The following ANKRD36C variants were observed in gnomAD, a reference collection of about 807,000 sequenced individuals.
ANKRD36C encodes ankyrin repeat domain-containing protein 36C.
Under a neutral mutation model 276.4 loss-of-function variants are expected in ANKRD36C, and 61 were observed. That is an observed-to-expected ratio of 0.22 (90% confidence interval 0.18 to 0.27). The LOEUF is 0.27. ANKRD36C is among the 10% of genes least tolerant of loss of function. ANKRD36C has a pLI of 1.00. For missense variants in ANKRD36C, 1,447 were observed against 2,032.3 expected (o/e 0.71, Z 5.54); for synonymous variants, 483 against 680.1 (o/e 0.71, Z 4.51).
intron 42 of ANKRD36C, 78 bp downstream of exon 46, chr2:95,910,295 A>G (rs919125612): frequency 7.0e-7 from 1 of 1,433,700 alleles, no homozygotes; most frequent in African/African-American, 1.4e-5. Flanking sequence ...TCGACGAGCC[A>G]CCCGCTGCTT....
intron 34 of ANKRD36C, 127 bp downstream of exon 34, chr2:95,921,480 G>C: frequency 3.8e-6 from 5 of 1,318,582 alleles, no homozygotes; most frequent in Non-Finnish European, 5.2e-6. Context: ...AAGACTCTCA[G>C]GCCTACTGAA....
rs914375882 is a variant in ANKRD36C at position 95,925,246 on chromosome 2, T to G, written c.2041+106A>C. ...AGAAATGCACAATCTCAGGCCTGCT[T>G]AATCAGAAAGTGCATTTTCAATGAC... On this transcript the variant is annotated intron_variant, in intron 30 of 66. Transcript: ENST00000456556. 5.2e-5 allele frequency: 78 copies of G among 1,513,814 alleles called. 1 individual carries two copies. Among genetic ancestry groups the G allele is most frequent in the Admixed American group, 3.4e-4 (16 of 47,070 alleles). The allele number at this position is 1,513,814 out of a possible 1,614,324, so 93.8% of individuals were successfully genotyped here. A position where few individuals can be genotyped will look rare whatever the true frequency, so the allele number is the denominator to read the frequency against.
chr2:95,912,138 G>C, intron 42 of ANKRD36C, 106 bp downstream of exon 44: 1 of 1,445,614 alleles, frequency 6.9e-7, no homozygotes, highest in South Asian at 1.3e-5. Flanking sequence ...TCTCAGGCCT[G>C]CTGAATCAGA....
At chr2:95,938,035 T>G (rs1677766538) in intron 22 of ANKRD36C, among the ~76,000 whole-genome samples, 1 of 152,150 alleles carries the variant, frequency 6.6e-6, no homozygotes, top group Non-Finnish European at 1.5e-5. Context: ...CTGAAATATA[T>G]TCCACTGATT....
At chr2:95,913,616 T>C (rs533939837) in intron 40 of ANKRD36C, among the ~76,000 whole-genome samples, 2 of 151,560 alleles carry the variant, frequency 1.3e-5, no homozygotes, top group East Asian at 2.0e-4. Context: ...CAAAATTATA[T>C]AAATGACTTC....
chr2:95,920,501 A>C (rs1573768081), intron 34 of ANKRD36C, among the ~76,000 whole-genome samples: 2 of 132,268 alleles, frequency 1.5e-5, no homozygotes, highest in Non-Finnish European at 3.4e-5. Flanking sequence ...TATCTCTCAC[A>C]CCCATGTGGT....
Position 95,918,054 on chromosome 2 carries a change from A to T in ANKRD36C, c.2246-12T>A, listed in dbSNP as rs1677155813. On this transcript the variant is annotated splice_polypyrimidine_tract_variant and intron_variant, in intron 34 of 66. Transcript: ENST00000456556. ...TTTCTGAGAAGACACTGAAAAGCAA[A>T]AGGGATACATAATCACTCATGTGTA... The T allele has an allele frequency of 1.3e-6, 2 of 1,599,390 alleles. No individual in the cohort carries two copies. The highest frequency in any genetic ancestry group is 2.7e-5 in the African/African-American group (2 of 74,534).
chr2:95,856,308 G>C (rs1675410740), intron 62 of ANKRD36C, 128 bp from the exon 83 acceptor site: 2 of 1,513,618 alleles, frequency 1.3e-6, no homozygotes, highest in East Asian at 4.7e-5. Flanking sequence ...ATCTAACTGG[G>C]AAAAAAGAAG....
chr2:95,921,521 A>G, intron 34 of ANKRD36C, 86 bp downstream of exon 34: 2 of 1,520,306 alleles, frequency 1.3e-6, no homozygotes, highest in Non-Finnish European at 8.9e-7. Flanking sequence ...GAGCCCCCCC[A>G]CCTGCCCTCC....
intron 13 of ANKRD36C, among the ~76,000 whole-genome samples, chr2:95,955,947 G>A (rs1177563252): frequency 6.6e-6 from 1 of 151,862 alleles, no homozygotes; most frequent in Non-Finnish European, 1.5e-5. Context: ...ACAAAAGAAG[G>A]TCTTAAACCC....
intron 42 of ANKRD36C, among the ~76,000 whole-genome samples, chr2:95,902,526 G>C (rs1446999897): frequency 2.0e-5 from 3 of 150,324 alleles, no homozygotes; most frequent in Non-Finnish European, 4.5e-5. Flanking sequence ...TCTTTTCTTG[G>C]CAGTACGATC....
chr2:95,876,779 G>A (rs1675966927), intron 58 of ANKRD36C, among the ~76,000 whole-genome samples: 1 of 142,322 alleles, frequency 7.0e-6, no homozygotes, highest in South Asian at 2.2e-4. Context: ...GTGAGCCCGG[G>A]AAGTGGAGCT....
At chr2:95,948,543 G>A in exon 17 of ANKRD36C, 2 of 1,535,524 alleles carry the variant, frequency 1.3e-6, no homozygotes. Context: ...AGATTCCAAA[G>A]CAAACTTATC....
chr2:95,921,650 C>T (rs544343875), exon 34 of ANKRD36C: 85 of 1,608,402 alleles, frequency 5.3e-5, no homozygotes, highest in East Asian at 1.1e-4. Flanking sequence ...TGGCTATATT[C>T]GAAACAGAAT....
chr2:95,968,862 A>T (rs531520315), intron 6 of ANKRD36C, among the ~76,000 whole-genome samples: 2 of 152,338 alleles, frequency 1.3e-5, no homozygotes, highest in African/African-American at 4.8e-5. Context: ...CAGAGAACTC[A>T]TGGAAACATA....
At chr2:95,867,117 CAGTT>C (rs1312200765) in intron 60 of ANKRD36C, among the ~76,000 whole-genome samples, 4 of 152,104 alleles carry the variant, frequency 2.6e-5, no homozygotes, top group Admixed American at 6.6e-5. Context: ...GTAGAAAAGA[CAGTT>C]AGAGGGTTAT....
intron 6 of ANKRD36C, among the ~76,000 whole-genome samples, chr2:95,967,667 A>G (rs1678619732): frequency 6.6e-6 from 1 of 151,998 alleles, no homozygotes; most frequent in Non-Finnish European, 1.5e-5. Context: ...GTGTGTGTAT[A>G]TATATATATG....
intron 59 of ANKRD36C, among the ~76,000 whole-genome samples, chr2:95,872,231 AC>A (rs1675830798): frequency 6.9e-6 from 1 of 143,980 alleles, no homozygotes; most frequent in African/African-American, 2.5e-5. Flanking sequence ...TCAGCACCAC[AC>A]CACACCTATT....
intron 44 of ANKRD36C, among the ~76,000 whole-genome samples, chr2:95,892,131 G>C (rs1238483117): frequency 6.6e-6 from 1 of 151,480 alleles, no homozygotes; most frequent in Non-Finnish European, 1.5e-5. Context: ...TATCAACGTG[G>C]ATATGTCGAG....
Sources: gnomAD v4.1 joint callset for allele counts (sites outside exome capture counted in the v4.1 genomes callset) on GRCh38, gnomAD v4.1.1 for gene constraint, MANE v1.5 for transcripts, NCBI Gene and HGNC (gene_info 2026-07-23, HGNC 2026-07-21) for gene names.